The following STK33 variants were observed in gnomAD, a reference collection of about 807,000 sequenced individuals.
STK33 encodes the protein serine/threonine kinase 33.
STK33 carries 52 observed loss-of-function variants against 58.0 expected under a neutral mutation model. The observed-to-expected ratio is 0.90, with a 90% confidence interval of 0.72 to 1.13. STK33 has a LOEUF of 1.13. STK33 is among the 50% of genes most tolerant of loss of function. The pLI is 0.00. For synonymous variants in STK33, 215 were observed against 200.1 expected, an observed-to-expected ratio of 1.07 and a Z score of -0.63; for missense variants, 630 against 604.2, an observed-to-expected ratio of 1.04 and a Z score of -0.45.
chr11:8,480,615 C>T lies in STK33; in HGVS notation c.-465-1G>A, dbSNP rs1304284215. ...ATGTGCTGAGAAGTAGTGGCCCTGC[C>T]TAGAAAAGAAAAAGATAAAAAATAG... On this transcript the variant is annotated splice_acceptor_variant, in intron 1 of 15. Coordinates refer to ENST00000687296, the MANE Select transcript of STK33 (RefSeq NM_001352389.2). LOFTEE classifies it low-confidence loss of function (5UTR_SPLICE). 6.6e-6 allele frequency: 1 copy of T among 151,758 alleles called. No individual in the cohort carries two copies. Among genetic ancestry groups the T allele is most frequent in the African/African-American group, 2.4e-5 (1 of 41,204 alleles). 9.4% of individuals were successfully genotyped at this position (151,758 alleles called of 1,614,324 possible).
intron 1 of STK33, among the ~76,000 whole-genome samples, chr11:8,571,769 C>T (rs1323174709): frequency 6.6e-6 from 1 of 150,534 alleles, no homozygotes; most frequent in African/African-American, 2.4e-5. Context: ...GGAGGCGGAG[C>T]TTGCAGTGAC....
chr11:8,488,686 A>C (rs1208946851), intron 1 of STK33, among the ~76,000 whole-genome samples: 1 of 152,110 alleles, frequency 6.6e-6, no homozygotes, highest in Non-Finnish European at 1.5e-5. Context: ...GTAGTTCAGA[A>C]AGGTCACCAA....
the STK33 span, among the ~76,000 whole-genome samples, chr11:8,375,304 T>C: frequency 7.9e-5 from 12 of 152,354 alleles, no homozygotes; most frequent in African/African-American, 2.9e-4. Context: ...AACTAGCATT[T>C]AAGGCAGGCA....
chr11:8,463,551 G>C (rs770027836), intron 7 of STK33, among the ~76,000 whole-genome samples: 7 of 152,116 alleles, frequency 4.6e-5, no homozygotes, highest in Non-Finnish European at 8.8e-5. Flanking sequence ...GAGAAATAGT[G>C]ACTGTGAGGA....
chr11:8,390,181 CCT>C (rs1848600068), downstream of STK33, among the ~76,000 whole-genome samples: 8 of 152,292 alleles, frequency 5.3e-5, no homozygotes, highest in South Asian at 1.7e-3. Context: ...TGCCTGCATT[CCT>C]CTCTTTTTAT....
intron 11 of STK33, among the ~76,000 whole-genome samples, chr11:8,442,030 TACACAC>T (rs55646106): frequency 0.37 from 52,990 of 143,226 alleles, 9,569 homozygotes; most frequent in East Asian, 0.53. Flanking sequence ...TACCTACACC[TACACAC>T]ACACACACAC....
At chr11:8,352,317 C>T in the STK33 span, among the ~76,000 whole-genome samples, 1 of 152,144 alleles carries the variant, frequency 6.6e-6, no homozygotes, top group African/African-American at 2.4e-5. Flanking sequence ...GGTTTCAGCC[C>T]TGAACTCAAA....
Position 8,526,788 on chromosome 11 carries a change from A to AT in STK33, c.-465-46175dup, listed in dbSNP as rs1371281941. On this transcript the variant is annotated intron_variant, in intron 1 of 15. Coordinates refer to ENST00000687296, the MANE Select transcript of STK33 (RefSeq NM_001352389.2). ...ACACACAAAAAGAAAATAACTAGTT[A>AT]TATGTGACATCATTGATGAATATTA... Among the ~76,000 whole-genome samples the AT allele has an allele frequency of 1.2e-4, 18 of 151,074 alleles. No homozygotes were observed. In the East Asian group the frequency reaches 2.1e-3, roughly 18 times the overall value.
At chr11:8,382,179 G>A in the STK33 span, among the ~76,000 whole-genome samples, 2 of 152,184 alleles carry the variant, frequency 1.3e-5, no homozygotes, top group African/African-American at 4.8e-5. Flanking sequence ...TCGGAGGACC[G>A]CAGGGCCCGG....
intron 1 of STK33, among the ~76,000 whole-genome samples, chr11:8,524,175 C>T (rs1009391863): frequency 1.3e-5 from 2 of 152,170 alleles, no homozygotes; most frequent in Non-Finnish European, 2.9e-5. Flanking sequence ...GACACAAACA[C>T]GGCAGAAGGC....
the STK33 span, among the ~76,000 whole-genome samples, chr11:8,372,489 G>C: frequency 6.6e-6 from 1 of 152,230 alleles, no homozygotes; most frequent in Admixed American, 6.5e-5. Flanking sequence ...CAGTCTTTCA[G>C]GAAAACTCTC....
chr11:8,354,995 G>C, the STK33 span, among the ~76,000 whole-genome samples: 2 of 152,272 alleles, frequency 1.3e-5, no homozygotes, highest in South Asian at 4.1e-4. Context: ...AAAGAGCAAA[G>C]CTGCTGGAGC....
At chr11:8,457,544 TATATCAC>T in intron 8 of STK33, 65 bp from the exon 9 acceptor site, 1 of 1,294,746 alleles carries the variant, frequency 7.7e-7, no homozygotes. Context: ...TAAAATGTTA[TATATCAC>T]ATATACAATC....
chr11:8,409,122 T>C (rs1939772092), intron 15 of STK33, among the ~76,000 whole-genome samples: 1 of 152,264 alleles, frequency 6.6e-6, no homozygotes, highest in Non-Finnish European at 1.5e-5. Flanking sequence ...GGATAGCAGT[T>C]GAGGCCACCT....
chr11:8,493,175 G>T (rs1255945683), intron 1 of STK33, among the ~76,000 whole-genome samples: 1 of 151,974 alleles, frequency 6.6e-6, no homozygotes, highest in Admixed American at 6.6e-5. Flanking sequence ...TTTTTGAAAA[G>T]ATCAACACAA....
At chr11:8,444,660 T>C (rs1305291322) in intron 11 of STK33, among the ~76,000 whole-genome samples, 2 of 152,148 alleles carry the variant, frequency 1.3e-5, no homozygotes, top group East Asian at 3.8e-4. Flanking sequence ...ATAATATGCA[T>C]ATTTATGTCA....
rs1224288998 is a variant in STK33 at position 8,449,454 on chromosome 11, T to C, written c.871+3368A>G. ...TACACTATGGAATACTATGCAGCCA[T>C]AAAAAATGATGAGTTCAGGTCCTTT... On this transcript the variant is annotated intron_variant, in intron 11 of 15. Coordinates refer to ENST00000687296, the MANE Select transcript of STK33 (RefSeq NM_001352389.2). Among the ~76,000 whole-genome samples, 4 of 151,508 alleles carry C rather than the reference T, an allele frequency of 2.6e-5. 1 individual carries two copies. The highest frequency in any genetic ancestry group is 9.8e-5 in the African/African-American group (4 of 40,846).
intron 1 of STK33, among the ~76,000 whole-genome samples, chr11:8,500,777 A>G (rs1351989026): frequency 6.6e-6 from 1 of 152,196 alleles, no homozygotes; most frequent in Non-Finnish European, 1.5e-5. Flanking sequence ...AATGATTTTA[A>G]AGCTTACTTC....
intron 14 of STK33, among the ~76,000 whole-genome samples, chr11:8,423,001 C>T (rs866612889): frequency 6.7e-5 from 10 of 148,372 alleles, no homozygotes; most frequent in South Asian, 2.1e-4. Flanking sequence ...CCACCATGCC[C>T]GGCTGATTTT....
Sources: allele counts gnomAD v4.1 joint callset (sites outside exome capture counted in the v4.1 genomes callset), GRCh38; gene constraint gnomAD v4.1.1; transcripts MANE v1.5; gene names NCBI Gene and HGNC (gene_info 2026-07-23, HGNC 2026-07-21).